The following FAF2 variants were observed in gnomAD, a reference collection of about 807,000 sequenced individuals.
FAF2 encodes FAS-associated factor 2.
In FAF2, 9 loss-of-function variants were observed where a neutral mutation model predicts 62.3. The ratio of observed to expected loss-of-function variants is 0.14; its 90% confidence interval spans 0.09 to 0.25. FAF2 has a LOEUF of 0.25. FAF2 is among the 10% of genes least tolerant of loss of function. The probability of loss-of-function intolerance (pLI) is 1.00; values close to 1 mark genes in which losing one functional copy is unlikely to be tolerated. For synonymous variants in FAF2, 202 were observed against 198.0 expected, an observed-to-expected ratio of 1.02 and a Z score of -0.17; for missense variants, 368 against 556.2, an observed-to-expected ratio of 0.66 and a Z score of 3.40.
chr5:176,452,122 A>T (rs867557857), intron 1 of FAF2, among the ~76,000 whole-genome samples: 6 of 150,920 alleles, frequency 4.0e-5, no homozygotes, highest in African/African-American at 1.5e-4. Flanking sequence ...CAGTGGTGCG[A>T]TCTCGGCTCA....
At chr5:176,480,935 T>A (rs1436609811) in intron 2 of FAF2, among the ~76,000 whole-genome samples, 1 of 152,144 alleles carries the variant, frequency 6.6e-6, no homozygotes, top group Non-Finnish European at 1.5e-5. Flanking sequence ...TCCGTACATG[T>A]ATCCCAGAAC....
chr5:176,491,023 G>T (rs1309596430), intron 4 of FAF2, among the ~76,000 whole-genome samples: 1 of 152,292 alleles, frequency 6.6e-6, no homozygotes, highest in East Asian at 1.9e-4. Context: ...TTACTCGGGA[G>T]AAATTCCAAG....
In FAF2 at chr5:176,507,384, C is replaced by T. The variant is rs909583730; in HGVS notation, c.*434C>T. On this transcript the variant is annotated 3_prime_UTR_variant, in exon 11 of 11. Coordinates refer to ENST00000261942, the MANE Select transcript of FAF2 (RefSeq NM_014613.3). Reference sequence around the variant, plus strand: ...CAGCATCTCCTGAGGACTTGCTTCTCCTGCCTCTGGGGAAGAGAGGGAAGA... The same window carrying T: ...CAGCATCTCCTGAGGACTTGCTTCTTCTGCCTCTGGGGAAGAGAGGGAAGA... The T allele has an allele frequency of 2.9e-5, 13 of 445,668 alleles. No individual in the cohort carries two copies. Among genetic ancestry groups the T allele is most frequent in the Non-Finnish European group, 5.4e-5 (12 of 221,488 alleles). 27.6% of individuals were successfully genotyped at this position (445,668 alleles called of 1,614,324 possible). A position where few individuals can be genotyped will look rare whatever the true frequency, so the allele number is the denominator to read the frequency against.
At position 176,486,486 on chromosome 5, in the gene FAF2, A is replaced by G; in HGVS notation, c.264A>G (p.Pro88=). 4 of 1,613,932 alleles carry G rather than the reference A, an allele frequency of 2.5e-6. No individual in the cohort carries two copies. The highest frequency in any genetic ancestry group is 3.4e-6 in the Non-Finnish European group (4 of 1,179,980). The part of the protein sequence containing the change: ...IYSYVVSRPQ[P]RGLLGWGYYL... The stretch of plus-strand genomic sequence containing the variant: ...GCTATGTTGTCTCAAGACCTCAACC[A>G]AGGGCAAGTTATTTCATAGCTGGGA... The change falls in exon 3 of 11, where the codon CCA becomes CCG. Residue 88 remains proline (P), a synonymous_variant. Coordinates refer to ENST00000261942, the MANE Select transcript of FAF2 (RefSeq NM_014613.3).
Position 176,507,214 on chromosome 5 carries a change from G to T in FAF2, c.*264G>T, listed in dbSNP as rs892568393. 11 of 442,524 alleles carry T rather than the reference G, an allele frequency of 2.5e-5. No homozygotes were observed. The highest frequency in any genetic ancestry group is 2.2e-4 in the African/African-American group (11 of 49,270). 27.4% of individuals were successfully genotyped at this position (442,524 alleles called of 1,614,324 possible). On this transcript the variant is annotated 3_prime_UTR_variant, in exon 11 of 11. Transcript: ENST00000261942. The stretch of plus-strand genomic sequence containing the variant: ...CAAGCCCACCCTTCCTGTGGCCTCT[G>T]TGCACGCACCTTCCAGTGAACAGAG...
At chr5:176,451,585 A>G (rs1407044394) in intron 1 of FAF2, among the ~76,000 whole-genome samples, 1 of 151,002 alleles carries the variant, frequency 6.6e-6, no homozygotes, top group African/African-American at 2.4e-5. Flanking sequence ...TTAATAATGA[A>G]GAAACAGGTT....
intron 1 of FAF2, among the ~76,000 whole-genome samples, chr5:176,464,926 C>T (rs557143800): frequency 5.3e-5 from 8 of 152,044 alleles, no homozygotes; most frequent in Middle Eastern, 3.4e-3. Flanking sequence ...CTCGCTGTAT[C>T]GCCCCGGCTA....
At chr5:176,506,706 C>CGT (rs760990895) in intron 10 of FAF2, 62 bp from the exon 11 acceptor site, 63 of 564,758 alleles carry the variant, frequency 1.1e-4, no homozygotes, top group East Asian at 2.8e-4. Context: ...TGCGTGTGTG[C>CGT]GTGTGTGTGT....
chr5:176,507,193 C>G lies in FAF2; in HGVS notation c.*243C>G. 2.7e-6 allele frequency: 1 copy of G among 372,524 alleles called. No homozygotes were observed. The highest frequency in any genetic ancestry group is 2.2e-5 in the South Asian group (1 of 45,390). The allele number at this position is 372,524 out of a possible 1,614,324, so 23.1% of individuals were successfully genotyped here. A position where few individuals can be genotyped will look rare whatever the true frequency, so the allele number is the denominator to read the frequency against. ...GCAACAAACGTACCCGCTTGGCAAG[C>G]CCACCCTTCCTGTGGCCTCTGTGCA... On this transcript the variant is annotated 3_prime_UTR_variant, in exon 11 of 11. Coordinates refer to ENST00000261942, the MANE Select transcript of FAF2 (RefSeq NM_014613.3).
At chr5:176,488,857 A>C in intron 3 of FAF2, 94 bp from the exon 4 acceptor site, 1 of 963,434 alleles carries the variant, frequency 1.0e-6, no homozygotes, top group Non-Finnish European at 1.7e-6. Flanking sequence ...AATCACATGG[A>C]AGGACCAAAA....
chr5:176,454,266 A>G (rs1443326416), intron 1 of FAF2, among the ~76,000 whole-genome samples: 2 of 149,520 alleles, frequency 1.3e-5, no homozygotes, highest in African/African-American at 4.9e-5. Context: ...AGTGGCATGC[A>G]CCTGTAATCC....
chr5:176,486,280 A>C (rs1758874662), intron 2 of FAF2, 75 bp from the exon 3 acceptor site: 6 of 1,581,700 alleles, frequency 3.8e-6, no homozygotes, highest in Non-Finnish European at 5.2e-6. Flanking sequence ...AATACCACGC[A>C]ATAGTTGCCT....
intron 1 of FAF2, among the ~76,000 whole-genome samples, chr5:176,454,577 G>GAAAAAAAAAAAAAAAAAAAAAAAA (rs56324116): frequency 4.2e-5 from 4 of 95,326 alleles, no homozygotes; most frequent in Non-Finnish European, 8.1e-5. Flanking sequence ...GATTCTGTCT[G>GAAAAAAAAAAAAAAAAAAAAAAAA]AAAAAAAAAA....
intron 3 of FAF2, among the ~76,000 whole-genome samples, chr5:176,486,972 A>G (rs772596289): frequency 2.6e-5 from 4 of 152,166 alleles, no homozygotes; most frequent in African/African-American, 4.8e-5. Context: ...TTCAAATTCA[A>G]TTTCTCACAG....
intron 5 of FAF2, 113 bp from the exon 6 acceptor site, chr5:176,493,886 C>T: frequency 1.4e-6 from 1 of 710,338 alleles, no homozygotes. Flanking sequence ...ACCTTTTTTC[C>T]TTATTTTTCC....
intron 2 of FAF2, among the ~76,000 whole-genome samples, chr5:176,483,161 G>A (rs964705739): frequency 6.6e-6 from 1 of 152,008 alleles, no homozygotes; most frequent in African/African-American, 2.4e-5. Flanking sequence ...GGCTCAAGAA[G>A]CCTTCCTGCC....
chr5:176,450,871 G>A (rs1758154249), intron 1 of FAF2, among the ~76,000 whole-genome samples: 1 of 152,140 alleles, frequency 6.6e-6, no homozygotes, highest in African/African-American at 2.4e-5. Flanking sequence ...TAGAAGAGAG[G>A]TGGGTAGCAG....
intron 1 of FAF2, among the ~76,000 whole-genome samples, chr5:176,450,811 G>T (rs1758153149): frequency 1.3e-5 from 2 of 152,108 alleles, no homozygotes; most frequent in South Asian, 4.1e-4. Context: ...CCTCGGCTGG[G>T]ATTACAGGCG....
chr5:176,450,962 A>G (rs1244823600), intron 1 of FAF2, among the ~76,000 whole-genome samples: 1 of 152,186 alleles, frequency 6.6e-6, no homozygotes, highest in Non-Finnish European at 1.5e-5. Flanking sequence ...TCTATAAGCA[A>G]TCGCTGGATC....
Sources: allele counts gnomAD v4.1 joint callset (sites outside exome capture counted in the v4.1 genomes callset), GRCh38; gene constraint gnomAD v4.1.1; transcripts MANE v1.5; gene names NCBI Gene and HGNC (gene_info 2026-07-23, HGNC 2026-07-21).